Variants in XPO4 observed in about 807,000 individuals in gnomAD.
XPO4 encodes exportin 4, also known as exportin-4.
A neutral mutation model predicts 143.0 loss-of-function variants in XPO4; 39 were observed. That is an observed-to-expected ratio of 0.27 (90% confidence interval 0.21 to 0.36). The LOEUF is 0.36. Among genes scored for constraint, XPO4 ranks in the 10% least tolerant of loss-of-function variants. The pLI is 1.00. For missense variants in XPO4, 907 were observed against 1,348.0 expected (o/e 0.67, Z 5.12); for synonymous variants, 439 against 474.0 (o/e 0.93, Z 0.96).
At chr13:20,877,307 C>T (rs922279056) in intron 1 of XPO4, among the ~76,000 whole-genome samples, 2 of 152,210 alleles carry the variant, frequency 1.3e-5, no homozygotes, top group African/African-American at 4.8e-5. Context: ...TTTATTTGCT[C>T]AGCAGCAATG....
chr13:20,787,114 C>T, intron 21 of XPO4, 57 bp from the exon 22 acceptor site: 3 of 1,369,344 alleles, frequency 2.2e-6, no homozygotes, highest in Non-Finnish European at 3.0e-6. Flanking sequence ...ATCCTCCAGT[C>T]CCTCCCCAGT....
At chr13:20,786,892 C>T in intron 22 of XPO4, 73 bp downstream of exon 22, 1 of 1,257,594 alleles carries the variant, frequency 8.0e-7, no homozygotes, top group Non-Finnish European at 1.1e-6. Context: ...GATTAATGAC[C>T]CACCATCTAT....
intron 4 of XPO4, among the ~76,000 whole-genome samples, chr13:20,853,331 T>G (rs2060108950): frequency 8.8e-5 from 1 of 11,310 alleles, no homozygotes; most frequent in African/African-American, 3.3e-4. Flanking sequence ...AGTGAGACCC[T>G]GTCTCAAAAA....
rs1011716023 is a variant in XPO4 at position 20,780,318 on chromosome 13, G to A, written c.*3404C>T. 1.3e-5 allele frequency: 2 copies of A among 152,106 alleles called. No homozygotes were observed. Among genetic ancestry groups the A allele is most frequent in the African/African-American group, 4.8e-5 (2 of 41,416 alleles). 9.4% of individuals were successfully genotyped at this position (152,106 alleles called of 1,614,324 possible). A position where few individuals can be genotyped will look rare whatever the true frequency, so the allele number is the denominator to read the frequency against. ...TAACAGAGAAAAATATTATTTCAGGGTTCAGAATGATGTTGAATACTAGGA... is the reference window on the plus strand; with the variant it reads ...TAACAGAGAAAAATATTATTTCAGGATTCAGAATGATGTTGAATACTAGGA... On this transcript the variant is annotated 3_prime_UTR_variant, in exon 23 of 23. Transcript: ENST00000255305.
chr13:20,901,080 A>G (rs992761080), intron 1 of XPO4, among the ~76,000 whole-genome samples: 2 of 152,208 alleles, frequency 1.3e-5, no homozygotes, highest in Non-Finnish European at 1.5e-5. Flanking sequence ...TAATTCAGCC[A>G]TTTAGTAATC....
At chr13:20,891,121 TTAAAAA>T (rs1251878635) in intron 1 of XPO4, among the ~76,000 whole-genome samples, 1 of 86,030 alleles carries the variant, frequency 1.2e-5, no homozygotes. Context: ...CCATCTCAAT[TTAAAAA>T]AAAAAAAAAA....
At chr13:20,830,834 C>T (rs1471467862) in intron 6 of XPO4, among the ~76,000 whole-genome samples, 2 of 152,060 alleles carry the variant, frequency 1.3e-5, no homozygotes, top group Non-Finnish European at 2.9e-5. Flanking sequence ...GAAAGGCTTA[C>T]TATGCATTGT....
intron 6 of XPO4, among the ~76,000 whole-genome samples, chr13:20,832,758 A>T (rs73437432): frequency 1.3e-5 from 2 of 152,242 alleles, no homozygotes; most frequent in Non-Finnish European, 1.5e-5. Context: ...AGCAACCACA[A>T]ATCCTTTGAA....
chr13:20,799,923 C>T (rs1485034652), intron 15 of XPO4, among the ~76,000 whole-genome samples: 1 of 152,080 alleles, frequency 6.6e-6, no homozygotes, highest in African/African-American at 2.4e-5. Flanking sequence ...GGCTTTGATG[C>T]CAAATCCTGA....
At chr13:20,799,071 C>G in intron 16 of XPO4, 94 bp downstream of exon 16, 2 of 1,107,950 alleles carry the variant, frequency 1.8e-6, no homozygotes, top group Non-Finnish European at 2.5e-6. Context: ...ATGACTGATA[C>G]ATTTATGTCT....
chr13:20,871,160 T>C (rs1477277369), intron 1 of XPO4, among the ~76,000 whole-genome samples: 1 of 151,996 alleles, frequency 6.6e-6, no homozygotes, highest in East Asian at 1.9e-4. Flanking sequence ...CAAGATGAGT[T>C]TGTGGGGTTT....
intron 9 of XPO4, among the ~76,000 whole-genome samples, chr13:20,811,800 A>G (rs546155269): frequency 6.6e-6 from 1 of 152,226 alleles, no homozygotes; most frequent in African/African-American, 2.4e-5. Context: ...GATTCCTACA[A>G]TACAGAAGGA....
At chr13:20,830,257 A>G (rs1172615940) in intron 6 of XPO4, among the ~76,000 whole-genome samples, 1 of 152,182 alleles carries the variant, frequency 6.6e-6, no homozygotes, top group Admixed American at 6.5e-5. Context: ...ATGAGTTAGT[A>G]TGTAATATCT....
At chr13:20,807,734 T>C (rs1181993894) in intron 12 of XPO4, 100 bp from the exon 13 acceptor site, 3 of 895,484 alleles carry the variant, frequency 3.4e-6, no homozygotes, top group Non-Finnish European at 4.6e-6. Context: ...ATCATATAAA[T>C]TGATGTAAAT....
intron 17 of XPO4, 72 bp downstream of exon 17, chr13:20,796,692 G>T: frequency 8.5e-7 from 1 of 1,180,062 alleles, no homozygotes; most frequent in Non-Finnish European, 1.1e-6. Context: ...CAAATTTTAA[G>T]CAAAGATCTA....
At chr13:20,881,004 G>A (rs2138157754) in intron 1 of XPO4, among the ~76,000 whole-genome samples, 1 of 149,918 alleles carries the variant, frequency 6.7e-6, no homozygotes, top group East Asian at 1.9e-4. Context: ...ATTACAACAA[G>A]GATGAACTTT....
chr13:20,831,416 T>C (rs895397752), intron 6 of XPO4, among the ~76,000 whole-genome samples: 2 of 152,160 alleles, frequency 1.3e-5, no homozygotes, highest in African/African-American at 4.8e-5. Context: ...AAAGAACAGT[T>C]TGACAATGAA....
chr13:20,792,779 TATTA>T (rs966227895), intron 18 of XPO4, among the ~76,000 whole-genome samples: 8 of 151,466 alleles, frequency 5.3e-5, no homozygotes, highest in Admixed American at 1.3e-4. Context: ...TTTTATTATT[TATTA>T]ATTATTATTA....
chr13:20,780,202 A>G lies in XPO4; in HGVS notation c.*3520T>C, dbSNP rs756286257. On this transcript the variant is annotated 3_prime_UTR_variant, in exon 23 of 23. Transcript: ENST00000255305. ...GTTAATGTTTTATTCAGGAACCAAT[A>G]ACAATAATTCCTCATCAAAGACAGC... 1 of 152,198 alleles carries G rather than the reference A, an allele frequency of 6.6e-6. No homozygotes were observed. Among genetic ancestry groups the G allele is most frequent in the Non-Finnish European group, 1.5e-5 (1 of 68,038 alleles). The allele number at this position is 152,198 out of a possible 1,614,324, so 9.4% of individuals were successfully genotyped here.
Sources: gnomAD v4.1 joint callset for allele counts (sites outside exome capture counted in the v4.1 genomes callset) on GRCh38, gnomAD v4.1.1 for gene constraint, MANE v1.5 for transcripts, NCBI Gene and HGNC (gene_info 2026-07-23, HGNC 2026-07-21) for gene names.